Variants in GPATCH8 observed in about 807,000 individuals in gnomAD.
GPATCH8 encodes the protein G-patch domain containing 8.
A neutral mutation model predicts 118.3 loss-of-function variants in GPATCH8; 18 were observed. The observed-to-expected ratio is 0.15, with a 90% confidence interval of 0.11 to 0.23. GPATCH8 has a LOEUF of 0.23. Ranked by LOEUF, GPATCH8 falls within the 10% of genes least tolerant of loss-of-function variation. GPATCH8 has a pLI of 1.00. For missense variants in GPATCH8, 1,631 were observed against 1,873.8 expected (o/e 0.87, Z 2.39); for synonymous variants, 659 against 684.7 (o/e 0.96, Z 0.59).
At chr17:44,439,770 C>G (rs1457325213) in intron 3 of GPATCH8, among the ~76,000 whole-genome samples, 1 of 151,502 alleles carries the variant, frequency 6.6e-6, no homozygotes, top group Non-Finnish European at 1.5e-5. Context: ...TATGTATTCT[C>G]TAGAAAACTC....
chr17:44,421,733 CTTT>C (rs1205561070), intron 6 of GPATCH8, among the ~76,000 whole-genome samples: 1 of 138,888 alleles, frequency 7.2e-6, no homozygotes. Context: ...TTTCTTTTTT[CTTT>C]TTTTTTTTGA....
chr17:44,458,790 C>T (rs940871639), intron 3 of GPATCH8, among the ~76,000 whole-genome samples: 1 of 152,176 alleles, frequency 6.6e-6, no homozygotes, highest in African/African-American at 2.4e-5. Flanking sequence ...TCCCAAAGTC[C>T]TGGGATTACA....
At chr17:44,464,909 C>A in intron 2 of GPATCH8, 1 of 213,902 alleles carries the variant, frequency 4.7e-6, no homozygotes, top group South Asian at 7.0e-5. Context: ...GTCATATCCA[C>A]CACCTAAACA....
chr17:44,462,103 CCCT>C (rs1257299032), intron 3 of GPATCH8, among the ~76,000 whole-genome samples: 2 of 152,096 alleles, frequency 1.3e-5, no homozygotes, highest in South Asian at 4.2e-4. Flanking sequence ...TATCTCTTCT[CCCT>C]CCTTTCTCTC....
At chr17:44,418,056 G>A (rs2049753213) in intron 6 of GPATCH8, among the ~76,000 whole-genome samples, 1 of 152,072 alleles carries the variant, frequency 6.6e-6, no homozygotes. Context: ...AGGACCTTTA[G>A]TGGCACAAAC....
intron 7 of GPATCH8, among the ~76,000 whole-genome samples, chr17:44,401,714 G>A (rs1219436865): frequency 6.6e-6 from 1 of 152,100 alleles, no homozygotes; most frequent in Non-Finnish European, 1.5e-5. Flanking sequence ...GCTGTCTAAA[G>A]TACAAAAAGC....
rs766974980 is a variant in GPATCH8 at position 44,401,052 on chromosome 17, C to T, written c.1025G>A (p.Gly342Glu). ...ATCAGAGTCTCCTACCTTCTGCAGT[C>T]CTTGGTCAGAACTCTTCTCATCGGG... ...TKPDEKSSDQ[G>E]LQKVGDSDGS... is the part of the protein sequence containing the mutation. The change falls in exon 8 of 8, where the codon GGA becomes GAA. Residue 342 changes from glycine (G) to glutamate (E), a missense_variant. By Grantham distance (98) the Gly-to-Glu change is moderately conservative. Coordinates refer to ENST00000591680, the MANE Select transcript of GPATCH8 (RefSeq NM_001002909.4). 1.2e-6 allele frequency: 2 copies of T among 1,614,202 alleles called. No individual in the cohort carries two copies. Among genetic ancestry groups the T allele is most frequent in the Admixed American group, 1.7e-5 (1 of 60,030 alleles).
chr17:44,418,678 C>T (rs2049781352), intron 6 of GPATCH8, among the ~76,000 whole-genome samples: 1 of 152,114 alleles, frequency 6.6e-6, no homozygotes, highest in Non-Finnish European at 1.5e-5. Flanking sequence ...GTCTCGATCT[C>T]CTGACCTTGT....
At chr17:44,449,892 GAAGT>G (rs1483879678) in intron 3 of GPATCH8, among the ~76,000 whole-genome samples, 1 of 152,228 alleles carries the variant, frequency 6.6e-6, no homozygotes, top group Non-Finnish European at 1.5e-5. Flanking sequence ...CACTGGGGTA[GAAGT>G]AAGAAGACTT....
intron 3 of GPATCH8, among the ~76,000 whole-genome samples, chr17:44,438,288 A>G (rs1455650113): frequency 6.6e-6 from 1 of 152,210 alleles, no homozygotes; most frequent in African/African-American, 2.4e-5. Context: ...AAGTTTTGGT[A>G]CAAATTCATT....
At chr17:44,480,564 T>TA (rs1278373079) in intron 1 of GPATCH8, among the ~76,000 whole-genome samples, 2 of 150,174 alleles carry the variant, frequency 1.3e-5, no homozygotes, top group Non-Finnish European at 3.0e-5. Context: ...AAAATAAAAA[T>TA]AAAAAATTAG....
chr17:44,399,226 T>C lies in GPATCH8; in HGVS notation c.2851A>G (p.Arg951Gly), dbSNP rs1387615899. The change falls in exon 8 of 8, where the codon AGA becomes GGA. Residue 951 changes from arginine (R) to glycine (G), a missense_variant. Transcript: ENST00000591680. The part of the protein sequence containing the change: ...QSRSRSRSHT[R>G]ERSRSRGRSR... ...CGGCCCCGGGATCTTGAGCGCTCTC[T>C]GGTATGACTCCGAGATCGGCTTCGG... 1.9e-6 allele frequency: 3 copies of C among 1,614,036 alleles called. No homozygotes were observed. The highest frequency in any genetic ancestry group is 3.3e-5 in the Admixed American group (2 of 60,010).
chr17:44,456,627 A>C (rs1234193929), intron 3 of GPATCH8, among the ~76,000 whole-genome samples: 2 of 152,144 alleles, frequency 1.3e-5, no homozygotes, highest in Admixed American at 6.5e-5. Context: ...AATGGAAAAA[A>C]AAAAAGTCTA....
intron 1 of GPATCH8, among the ~76,000 whole-genome samples, chr17:44,484,098 C>T (rs1178617619): frequency 6.6e-6 from 1 of 152,154 alleles, no homozygotes; most frequent in East Asian, 1.9e-4. Context: ...CCTCGGACTT[C>T]CAAAGTGCTG....
At chr17:44,483,173 AAAAATATATATATATATAT>A (rs1219949387) in intron 1 of GPATCH8, among the ~76,000 whole-genome samples, 1 of 25,880 alleles carries the variant, frequency 3.9e-5, no homozygotes, top group Non-Finnish European at 8.4e-5. Flanking sequence ...AAAAAAAAAA[AAAAATATATATATATATAT>A]ATATATATAT....
At chr17:44,426,153 A>G (rs1490072257) in intron 5 of GPATCH8, among the ~76,000 whole-genome samples, 3 of 152,380 alleles carry the variant, frequency 2.0e-5, no homozygotes, top group African/African-American at 7.2e-5. Flanking sequence ...ATCCTCTGAA[A>G]TGAATATACC....
chr17:44,422,601 T>G (rs1207649238), intron 6 of GPATCH8, among the ~76,000 whole-genome samples: 3 of 151,968 alleles, frequency 2.0e-5, no homozygotes, highest in African/African-American at 7.2e-5. Flanking sequence ...GCCATTCTCC[T>G]GCCTCAGCCT....
chr17:44,478,900 G>A (rs1223090880), intron 1 of GPATCH8, among the ~76,000 whole-genome samples: 1 of 151,948 alleles, frequency 6.6e-6, no homozygotes, highest in South Asian at 2.1e-4. Context: ...CATGACGCCC[G>A]GCTGTTTTTT....
intron 3 of GPATCH8, among the ~76,000 whole-genome samples, chr17:44,444,785 A>T (rs2050817361): frequency 6.6e-6 from 1 of 152,202 alleles, no homozygotes; most frequent in African/African-American, 2.4e-5. Context: ...ACGGGGGGAA[A>T]AAAAGTGGTA....
Sources: gnomAD v4.1 joint callset for allele counts (sites outside exome capture counted in the v4.1 genomes callset) on GRCh38, gnomAD v4.1.1 for gene constraint, MANE v1.5 for transcripts, NCBI Gene and HGNC (gene_info 2026-07-23, HGNC 2026-07-21) for gene names.